The following DLG2 variants were observed in gnomAD, a reference collection of about 807,000 sequenced individuals.
DLG2 encodes the protein disks large homolog 2.
Under a neutral mutation model 132.5 loss-of-function variants are expected in DLG2, and 45 were observed. The observed-to-expected ratio is 0.34, with a 90% confidence interval of 0.27 to 0.44. The LOEUF (loss-of-function observed/expected upper bound fraction) is 0.44. DLG2 is among the 20% of genes least tolerant of loss of function. DLG2 has a pLI of 1.00. For synonymous variants in DLG2, 424 were observed against 419.6 expected, an observed-to-expected ratio of 1.01 and a Z score of -0.13; for missense variants, 1,045 against 1,196.9, an observed-to-expected ratio of 0.87 and a Z score of 1.87.
intron 6 of DLG2, among the ~76,000 whole-genome samples, chr11:84,707,365 G>T (rs535796405): frequency 6.6e-6 from 1 of 151,844 alleles, no homozygotes; most frequent in East Asian, 1.9e-4. Flanking sequence ...GCAGGGTTTT[G>T]GGCACATGCA....
intron 7 of DLG2, among the ~76,000 whole-genome samples, chr11:84,401,602 A>G (rs2098829553): frequency 6.6e-6 from 1 of 152,174 alleles, no homozygotes; most frequent in African/African-American, 2.4e-5. Flanking sequence ...GTAAATATCT[A>G]TGGAGCTCAC....
intron 6 of DLG2, among the ~76,000 whole-genome samples, chr11:84,644,456 C>T (rs1176168924): frequency 6.6e-6 from 1 of 152,174 alleles, no homozygotes; most frequent in East Asian, 1.9e-4. Context: ...CCTGTAATCC[C>T]AGCACTTTAG....
In DLG2 at chr11:83,590,686, A is replaced by C. The variant is rs1020320094; in HGVS notation, c.1940+42525T>G. 2.0e-4 allele frequency among the ~76,000 whole-genome samples: 30 copies of C among 152,348 alleles called. 1 individual carries two copies. The highest frequency in any genetic ancestry group is 6.5e-4 in the African/African-American group (27 of 41,592). On this transcript the variant is annotated intron_variant, in intron 19 of 27. Coordinates refer to ENST00000376104, the MANE Select transcript of DLG2 (RefSeq NM_001142699.3). ...AGAGACACCAAAAACCCTTCAAAAAATTAATGAATCCAGGAGCTGGTTTTT... is the reference window on the plus strand; with the variant it reads ...AGAGACACCAAAAACCCTTCAAAAACTTAATGAATCCAGGAGCTGGTTTTT...
At chr11:84,483,819 T>C (rs1269675419) in intron 7 of DLG2, among the ~76,000 whole-genome samples, 1 of 152,222 alleles carries the variant, frequency 6.6e-6, no homozygotes, top group African/African-American at 2.4e-5. Context: ...ATTGAGTTCA[T>C]TAATGGATCT....
chr11:84,422,225 CTG>C (rs747627524), intron 7 of DLG2, among the ~76,000 whole-genome samples: 2 of 152,168 alleles, frequency 1.3e-5, no homozygotes, highest in African/African-American at 2.4e-5. Context: ...TGAATTGACT[CTG>C]GAGCACTTAC....
chr11:85,590,237 C>T (rs955478991), intron 3 of DLG2, among the ~76,000 whole-genome samples: 1 of 152,052 alleles, frequency 6.6e-6, no homozygotes, highest in Non-Finnish European at 1.5e-5. Flanking sequence ...TCATTCCATG[C>T]CAGATTTGGC....
chr11:85,591,483 G>T (rs1024135830), intron 3 of DLG2, among the ~76,000 whole-genome samples: 2 of 152,198 alleles, frequency 1.3e-5, no homozygotes, highest in Non-Finnish European at 2.9e-5. Flanking sequence ...GCTCACGCCT[G>T]TAATCCCAGC....
At chr11:84,082,184 G>T (rs961087570) in intron 10 of DLG2, among the ~76,000 whole-genome samples, 1 of 150,992 alleles carries the variant, frequency 6.6e-6, no homozygotes, top group South Asian at 2.1e-4. Flanking sequence ...AAAATACTTT[G>T]TAAATTCTGG....
chr11:84,939,876 C>T (rs1271735358), intron 6 of DLG2, among the ~76,000 whole-genome samples: 2 of 152,162 alleles, frequency 1.3e-5, no homozygotes, highest in Non-Finnish European at 2.9e-5. Flanking sequence ...AATAGTGCTG[C>T]AGTAAACATG....
intron 3 of DLG2, among the ~76,000 whole-genome samples, chr11:85,324,195 TTC>T (rs1228310639): frequency 6.6e-6 from 1 of 152,150 alleles, no homozygotes; most frequent in Admixed American, 6.5e-5. Context: ...GCTTCTCCAC[TTC>T]TCCCCTGAGT....
At chr11:85,499,907 T>A (rs1456289271) in intron 3 of DLG2, among the ~76,000 whole-genome samples, 1 of 152,196 alleles carries the variant, frequency 6.6e-6, no homozygotes, top group Non-Finnish European at 1.5e-5. Context: ...CCTTTCATGC[T>A]TAAATCTCCC....
At chr11:83,639,457 G>T (rs569129944) in intron 18 of DLG2, among the ~76,000 whole-genome samples, 19 of 152,176 alleles carry the variant, frequency 1.2e-4, no homozygotes, top group African/African-American at 4.6e-4. Flanking sequence ...GTTCTTTGCA[G>T]GGACATGGAT....
chr11:84,684,298 G>C (rs1246462443), intron 6 of DLG2, among the ~76,000 whole-genome samples: 3 of 151,874 alleles, frequency 2.0e-5, no homozygotes. Flanking sequence ...TTTTATTCTT[G>C]GTATCATCTG....
intron 7 of DLG2, among the ~76,000 whole-genome samples, chr11:84,317,539 C>T (rs2098373546): frequency 6.6e-6 from 1 of 152,096 alleles, no homozygotes; most frequent in Non-Finnish European, 1.5e-5. Flanking sequence ...CTTTCCTTGC[C>T]GATCCCCACA....
At chr11:83,955,801 T>C (rs1332347770) in intron 14 of DLG2, among the ~76,000 whole-genome samples, 1 of 152,198 alleles carries the variant, frequency 6.6e-6, no homozygotes, top group African/African-American at 2.4e-5. Context: ...GCCTACATCT[T>C]TCTCCTGTGC....
chr11:83,585,565 G>A (rs922986774), intron 19 of DLG2, among the ~76,000 whole-genome samples: 5 of 152,166 alleles, frequency 3.3e-5, no homozygotes, highest in East Asian at 1.9e-4. Flanking sequence ...CTCTTGTGAC[G>A]TAGGATTTGG....
At chr11:84,197,026 G>A (rs113895602) in intron 8 of DLG2, among the ~76,000 whole-genome samples, 1 of 106,404 alleles carries the variant, frequency 9.4e-6, no homozygotes, top group Non-Finnish European at 1.7e-5. Context: ...AACAGAGTGC[G>A]ACTCTTTCTC....
intron 7 of DLG2, among the ~76,000 whole-genome samples, chr11:84,329,830 T>C (rs2098450406): frequency 6.6e-6 from 1 of 152,228 alleles, no homozygotes; most frequent in Non-Finnish European, 1.5e-5. Context: ...GTGTATAATG[T>C]GATAAAGCTT....
At chr11:85,014,181 GC>G (rs1411376020) in intron 6 of DLG2, among the ~76,000 whole-genome samples, 1 of 152,138 alleles carries the variant, frequency 6.6e-6, no homozygotes, top group Admixed American at 6.5e-5. Flanking sequence ...CAGCTGCATA[GC>G]CTTGGGCAAA....
Sources: allele counts gnomAD v4.1 joint callset (sites outside exome capture counted in the v4.1 genomes callset), GRCh38; gene constraint gnomAD v4.1.1; transcripts MANE v1.5; gene names NCBI Gene and HGNC (gene_info 2026-07-23, HGNC 2026-07-21).